ANKRD24: variants seen among roughly 807,000 people sequenced by gnomAD.
ANKRD24 encodes the protein ankyrin repeat domain 24, also known as ankyrin repeat domain-containing protein 24.
ANKRD24 carries 109 observed loss-of-function variants against 127.8 expected under a neutral mutation model. That is an observed-to-expected ratio of 0.85 (90% CI 0.73 to 1.00). The LOEUF is 1.00. Ranked by LOEUF, ANKRD24 falls within the 50% of genes least tolerant of loss-of-function variation. The pLI is 0.00. For missense variants in ANKRD24, 1,648 were observed against 1,570.2 expected (o/e 1.05, Z -0.84); for synonymous variants, 743 against 671.1 (o/e 1.11, Z -1.66).
Position 4,207,332 on chromosome 19 carries a change from T to A in ANKRD24, c.537+20T>A. On this transcript the variant is annotated intron_variant, in intron 8 of 21. Transcript: ENST00000318934. ...GATCGGGTAAGCTTCTGGGATCTCT[T>A]CAGGGAAGATGTTATGCTTGAGGTA... 6.2e-7 allele frequency: 1 copy of A among 1,611,094 alleles called. No individual in the cohort carries two copies. Among genetic ancestry groups the A allele is most frequent in the Non-Finnish European group, 8.5e-7 (1 of 1,177,330 alleles).
intron 5 of ANKRD24, 59 bp from the exon 6 acceptor site, chr19:4,201,967 G>A: frequency 6.8e-7 from 1 of 1,466,712 alleles, no homozygotes; most frequent in South Asian, 1.1e-5. Flanking sequence ...ATGGCTTGGG[G>A]AGCAGCTGGG....
chr19:4,217,817 C>T lies in ANKRD24; in HGVS notation c.2657C>T (p.Ala886Val). 1 of 1,397,896 alleles carries T rather than the reference C, an allele frequency of 7.2e-7. No homozygotes were observed. Among genetic ancestry groups the T allele is most frequent in the East Asian group, 3.2e-5 (1 of 30,786 alleles). 86.6% of individuals were successfully genotyped at this position (1,397,896 alleles called of 1,614,324 possible). ...CGGGACGCCGCTGAGGCCCGAGTGG[C>T]TGAGCTGCCTGCGGCCTGCGAGGAG... ...RARDAAEARV[A>V]ELPAACEEAR... is the part of the protein sequence containing the mutation. The change falls in exon 18 of 22, where the codon GCT (alanine) becomes GTT (valine). Residue 886 changes from alanine to valine, a missense_variant. Physicochemically the swap from Ala to Val is moderately conservative, Grantham distance 64. Transcript: ENST00000318934.
rs1399062979 is a variant in ANKRD24, at chr19:4,195,924, T to C, written c.37-3759T>C. Among the ~76,000 whole-genome samples the C allele has an allele frequency of 1.3e-5, 2 of 152,058 alleles. No homozygotes were observed. The highest frequency in any genetic ancestry group is 2.9e-5 in the Non-Finnish European group (2 of 67,998). Reference sequence around the variant, plus strand: ...AAAAAAAGTAAAAGTCTAAGAATAATCACGGACCACACCGACGTGTAAATG... The same window carrying C: ...AAAAAAAGTAAAAGTCTAAGAATAACCACGGACCACACCGACGTGTAAATG... On this transcript the variant is annotated intron_variant, in intron 2 of 21. Coordinates refer to ENST00000318934, the MANE Select transcript of ANKRD24 (RefSeq NM_001393985.1). This position sits in a 1 kb window ranked among gnomAD's most constrained non-coding sequence, Gnocchi z 4.2.
At position 4,217,906 on chromosome 19, in the gene ANKRD24, G is replaced by T; in HGVS notation, c.2746G>T (p.Ala916Ser). 1.3e-6 allele frequency: 2 copies of T among 1,483,624 alleles called. No individual in the cohort carries two copies. Among genetic ancestry groups the T allele is most frequent in the Non-Finnish European group, 1.8e-6 (2 of 1,124,426 alleles). The allele number at this position is 1,483,624 out of a possible 1,614,324, so 91.9% of individuals were successfully genotyped here. ...GGCCCTCCGCCAGTCCGTGGTGCCG[G>T]CCTCTGAGCACCGCCGGCTGCAGGA... is the stretch of plus-strand genomic sequence containing the variant. ...SEALRQSVVP[A>S]SEHRRLQEEA... Residue 916 changes from alanine to serine, a missense_variant, in exon 18 of 22, where the codon GCC (alanine) becomes TCC (serine). Physicochemically the swap from Ala to Ser is moderately conservative, Grantham distance 99. Transcript: ENST00000318934.
chr19:4,207,718 C>G (rs1489151282), intron 9 of ANKRD24, 63 bp from the exon 10 acceptor site: 16 of 1,583,542 alleles, frequency 1.0e-5, no homozygotes, highest in Non-Finnish European at 1.4e-5. Context: ...GGCCTGGGTG[C>G]TGAGGTGGGC....
rs1970631524 is a variant in ANKRD24, at chr19:4,224,448, G to A, written c.3384G>A (p.Val1128=). 1.2e-6 allele frequency: 2 copies of A among 1,613,344 alleles called. No individual in the cohort carries two copies. Among genetic ancestry groups the A allele is most frequent in the African/African-American group, 1.3e-5 (1 of 74,884 alleles). ...CCTAGGGCCAGATGGATGAAGATGT[G>A]CAGCGGATTCTCAGCCAGATTCTGC... ...YAIQGQMDED[V]QRILSQILQM... The change falls in exon 22 of 22, where the codon GTG becomes GTA. Residue 1128 remains valine, a synonymous_variant. Coordinates refer to ENST00000318934, the MANE Select transcript of ANKRD24 (RefSeq NM_001393985.1).
At position 4,219,705 on chromosome 19, in the gene ANKRD24, G is replaced by C; in HGVS notation, c.3118G>C (p.Ala1040Pro). ...GACCGAGGCGGAAAGGGCTCGCCAG[G>C]CCCAGAGCCGGGCCCAGGAGGCTCT... ...LRTEAERARQ[A>P]QSRAQEALDK... Residue 1040 changes from alanine to proline, a missense_variant, in exon 19 of 22, where the codon GCC becomes CCC. Ala to Pro is a conservative substitution (Grantham distance 27). Transcript: ENST00000318934. 1 of 1,613,588 alleles carries C rather than the reference G, an allele frequency of 6.2e-7. No individual in the cohort carries two copies. The highest frequency in any genetic ancestry group is 8.5e-7 in the Non-Finnish European group (1 of 1,179,722).
intron 12 of ANKRD24, 40 bp from the exon 13 acceptor site, chr19:4,210,225 C>T: frequency 6.4e-7 from 1 of 1,559,908 alleles, no homozygotes. Context: ...ATGGGGCAAC[C>T]TTAGGCCCCA....
At position 4,197,901 on chromosome 19, in the gene ANKRD24, ATGAATGAACGAG is replaced by A. The variant is rs1331275271; in HGVS notation, c.37-1770_37-1759del. Among the ~76,000 whole-genome samples the A allele has an allele frequency of 3.9e-5, 6 of 152,272 alleles. 1 individual carries two copies. The South Asian group carries it at 8.3e-4, about 21-fold the overall frequency. On this transcript the variant is annotated intron_variant, in intron 2 of 21. Transcript: ENST00000318934. ...GGTGAACGAATGAACGAGTGAGTGAATGAATGAACGAGTGAATGAACGAATGGGTGAGTGAAC... is the reference window on the plus strand; with the variant it reads ...GGTGAACGAATGAACGAGTGAGTGAATGAATGAACGAATGGGTGAGTGAAC...
chr19:4,222,612 G>A, intron 19 of ANKRD24, 58 bp from the exon 20 acceptor site: 1 of 1,501,186 alleles, frequency 6.7e-7, no homozygotes, highest in Admixed American at 2.0e-5. Context: ...GCTGCAGAGA[G>A]GTCCTCAGCC....
In ANKRD24 at chr19:4,210,470, C is replaced by T. The variant is rs921543534; in HGVS notation, c.1059+98C>T. The T allele has an allele frequency of 9.4e-6, 10 of 1,066,996 alleles. No homozygotes were observed. In the South Asian group the frequency reaches 1.5e-4, roughly 16 times the overall value. 66.1% of individuals were successfully genotyped at this position (1,066,996 alleles called of 1,614,324 possible). A position where few individuals can be genotyped will look rare whatever the true frequency, so the allele number is the denominator to read the frequency against. On this transcript the variant is annotated intron_variant, in intron 13 of 21. Coordinates refer to ENST00000318934, the MANE Select transcript of ANKRD24 (RefSeq NM_001393985.1). ...TTTTCTCCCACCTTCCCTCCTCCAT[C>T]TCTCTCCCTCCCCACCCTGCTGCAG...
intron 2 of ANKRD24, among the ~76,000 whole-genome samples, chr19:4,188,960 AC>A (rs1435838289): frequency 1.3e-5 from 2 of 152,048 alleles, no homozygotes; most frequent in African/African-American, 2.4e-5. Context: ...GGCGCCTGCC[AC>A]TATGGCTGGC....
intron 15 of ANKRD24, 67 bp from the exon 16 acceptor site, chr19:4,215,911 A>C: frequency 1.6e-6 from 2 of 1,268,800 alleles, no homozygotes; most frequent in Admixed American, 2.1e-5. Context: ...TCCCCACTGG[A>C]GTCTTGGTGG....
Position 4,218,094 on chromosome 19 carries a change from G to A in ANKRD24, c.2934G>A (p.Val978=), listed in dbSNP as rs1250662667. 2 of 1,546,072 alleles carry A rather than the reference G, an allele frequency of 1.3e-6. No individual in the cohort carries two copies. The highest frequency in any genetic ancestry group is 1.4e-5 in the African/African-American group (1 of 71,078). Residue 978 remains valine, a synonymous_variant, in exon 18 of 22, where the codon GTG becomes GTA. Transcript: ENST00000318934. ...ERIVGTLQAN[V]AQLEGQLEEL... ...TCGTGGGCACCCTGCAGGCCAACGT[G>A]GCCCAGCTGGAGGGGCAGCTGGAGG... is the stretch of plus-strand genomic sequence containing the variant.
chr19:4,216,437 C>T lies in ANKRD24; in HGVS notation c.1389+35C>T, dbSNP rs758832398. 2.7e-5 allele frequency: 42 copies of T among 1,556,748 alleles called. No homozygotes were observed. In the South Asian group the frequency reaches 4.6e-4, roughly 17 times the overall value. Reference sequence around the variant, plus strand: ...GTGAGGCTGGGGACAGATCTGAGGACCTAGGGCTGGTTCCCTGAGGTCAGG... The same window carrying T: ...GTGAGGCTGGGGACAGATCTGAGGATCTAGGGCTGGTTCCCTGAGGTCAGG... On this transcript the variant is annotated intron_variant, in intron 17 of 21. Transcript: ENST00000318934.
chr19:4,216,222 C>A (rs547591989), intron 16 of ANKRD24, 62 bp from the exon 17 acceptor site: 3 of 1,487,544 alleles, frequency 2.0e-6, no homozygotes, highest in Non-Finnish European at 2.7e-6. Flanking sequence ...CCACTCCAGC[C>A]CCCCACCTCC....
In ANKRD24 at chr19:4,217,393, G is replaced by A; in HGVS notation, c.2233G>A (p.Ala745Thr). ...ALRQREREAA[A>T]ELEAALGKCE... ...CCGGCAGCGGGAGCGGGAGGCAGCTGCGGAGCTGGAGGCGGCCCTGGGGAA... is the reference window on the plus strand; with the variant it reads ...CCGGCAGCGGGAGCGGGAGGCAGCTACGGAGCTGGAGGCGGCCCTGGGGAA... The change falls in exon 18 of 22, where the codon GCG becomes ACG. Residue 745 changes from alanine (A) to threonine (T), a missense_variant. Physicochemically the swap from Ala to Thr is moderately conservative, Grantham distance 58 (BLOSUM62 0). Transcript: ENST00000318934. 5.2e-6 allele frequency: 8 copies of A among 1,550,276 alleles called. No homozygotes were observed. Among genetic ancestry groups the A allele is most frequent in the South Asian group, 1.2e-5 (1 of 83,950 alleles).
At position 4,195,583 on chromosome 19, in the gene ANKRD24, T is replaced by G. The variant is rs1404262000; in HGVS notation, c.37-4100T>G. Among the ~76,000 whole-genome samples the G allele has an allele frequency of 6.6e-6, 1 of 152,018 alleles. No individual in the cohort carries two copies. The highest frequency in any genetic ancestry group is 6.6e-5 in the Admixed American group (1 of 15,250). On this transcript the variant is annotated intron_variant, in intron 2 of 21. Transcript: ENST00000318934. This position sits in a 1 kb window ranked among gnomAD's most constrained non-coding sequence, Gnocchi z 4.2. ...TCCATTTTCCTGCCTTGGTTCCCAC[T>G]CCTCCCTCCTCTTGTCCAAACATGT...
chr19:4,196,225 G>A (rs770507640), intron 2 of ANKRD24, among the ~76,000 whole-genome samples: 3 of 152,212 alleles, frequency 2.0e-5, no homozygotes, highest in Non-Finnish European at 4.4e-5. Flanking sequence ...GAGAGGGAAA[G>A]CGATTAGCTC....
Sources: gnomAD v4.1 joint callset for allele counts (sites outside exome capture counted in the v4.1 genomes callset) on GRCh38, gnomAD v4.1.1 for gene constraint, Gnocchi (gnomAD v3.1) non-coding constraint, MANE v1.5 for transcripts, NCBI Gene and HGNC (gene_info 2026-07-23, HGNC 2026-07-21) for gene names.